The following MSH3 variants were observed in gnomAD, a reference collection of about 807,000 sequenced individuals.
The protein encoded by MSH3 is mutS homolog 3.
Under a neutral mutation model 123.3 loss-of-function variants are expected in MSH3, and 106 were observed. The ratio of observed to expected loss-of-function variants is 0.86; its 90% CI spans 0.73 to 1.01. The LOEUF (loss-of-function observed/expected upper bound fraction) is 1.01. Among genes scored for constraint, MSH3 ranks in the 50% least tolerant of loss-of-function variants. The pLI is 0.00. For synonymous variants in MSH3, 515 were observed against 481.4 expected (o/e 1.07, Z -0.91); for missense variants, 1,459 against 1,347.6 (o/e 1.08, Z -1.29).
chr5:80,840,430 CTT>C (rs201862193), intron 20 of MSH3, among the ~76,000 whole-genome samples: 1 of 149,346 alleles, frequency 6.7e-6, no homozygotes, highest in Admixed American at 6.7e-5. Flanking sequence ...CTTGAATATT[CTT>C]TTTTTTTTCT....
At position 80,854,084 on chromosome 5, in the gene MSH3, TAAG is replaced by T; in HGVS notation, c.2814-43_2814-41del. On this transcript the variant is annotated intron_variant, in intron 20 of 23. Coordinates refer to ENST00000265081, the MANE Select transcript of MSH3 (RefSeq NM_002439.5). ...CATAAAATAATGTTCGGCTTCCTAA[TAAG>T]AAAGTGAAGAGGAAAATCAAGGTGT... The T allele has an allele frequency of 2.0e-6, 3 of 1,477,736 alleles. No homozygotes were observed. The South Asian group carries it at 3.4e-5, about 17-fold the overall frequency. 91.5% of individuals were successfully genotyped at this position (1,477,736 alleles called of 1,614,324 possible).
At chr5:80,707,941 G>A (rs898276469) in intron 8 of MSH3, among the ~76,000 whole-genome samples, 2 of 152,134 alleles carry the variant, frequency 1.3e-5, no homozygotes, top group African/African-American at 2.4e-5. Flanking sequence ...GTTTTCATGT[G>A]CCTATTGGTT....
intron 19 of MSH3, among the ~76,000 whole-genome samples, chr5:80,804,148 T>C (rs1448928385): frequency 6.6e-6 from 1 of 152,236 alleles, no homozygotes; most frequent in Non-Finnish European, 1.5e-5. Flanking sequence ...CTTTAGTTAC[T>C]ATGGACACTT....
chr5:80,865,442 C>T (rs1285878698), intron 22 of MSH3, among the ~76,000 whole-genome samples: 1 of 152,110 alleles, frequency 6.6e-6, no homozygotes, highest in Non-Finnish European at 1.5e-5. Flanking sequence ...ACCATGTCAA[C>T]CACTTAGATG....
intron 20 of MSH3, among the ~76,000 whole-genome samples, chr5:80,850,992 G>C (rs1403990328): frequency 6.6e-6 from 1 of 152,060 alleles, no homozygotes; most frequent in Non-Finnish European, 1.5e-5. Context: ...AATTTCTGGT[G>C]ACCTCATTTT....
chr5:80,682,639 C>T (rs2618369), intron 8 of MSH3, among the ~76,000 whole-genome samples: 38,273 of 152,048 alleles, frequency 0.25, 4,923 homozygotes, highest in Middle Eastern at 0.32. Context: ...ACATGAGATA[C>T]TTTCATACAG....
At chr5:80,749,129 A>G (rs1425517801) in intron 12 of MSH3, among the ~76,000 whole-genome samples, 4 of 152,170 alleles carry the variant, frequency 2.6e-5, no homozygotes, top group African/African-American at 9.7e-5. Flanking sequence ...GGATAGATGT[A>G]TATAAGGAGT....
At chr5:80,842,780 C>T (rs1298776531) in intron 20 of MSH3, among the ~76,000 whole-genome samples, 1 of 152,160 alleles carries the variant, frequency 6.6e-6, no homozygotes, top group Non-Finnish European at 1.5e-5. Context: ...GCTGAAGTTG[C>T]TTATCAGCTT....
intron 8 of MSH3, among the ~76,000 whole-genome samples, chr5:80,696,613 T>C (rs1231362044): frequency 6.6e-6 from 1 of 152,162 alleles, no homozygotes; most frequent in African/African-American, 2.4e-5. Context: ...GCTGGTCTGC[T>C]TTCTGCTCAC....
chr5:80,774,790 T>C (rs1744271245), intron 15 of MSH3, among the ~76,000 whole-genome samples: 1 of 151,960 alleles, frequency 6.6e-6, no homozygotes, highest in African/African-American at 2.4e-5. Context: ...AGATACAGAA[T>C]AGAATGATGG....
chr5:80,831,553 G>T (rs1014618413), intron 20 of MSH3, among the ~76,000 whole-genome samples: 2 of 151,910 alleles, frequency 1.3e-5, no homozygotes, highest in Non-Finnish European at 2.9e-5. Flanking sequence ...TTTAGTAATT[G>T]GTATTCTCTT....
chr5:80,762,285 T>C (rs1744048485), intron 13 of MSH3, among the ~76,000 whole-genome samples: 1 of 152,112 alleles, frequency 6.6e-6, no homozygotes. Flanking sequence ...GATAAAACAC[T>C]ATAAACTATG....
intron 8 of MSH3, among the ~76,000 whole-genome samples, chr5:80,710,343 G>A (rs750517978): frequency 1.3e-5 from 2 of 152,212 alleles, no homozygotes; most frequent in Non-Finnish European, 2.9e-5. Context: ...ACAGAAGGGA[G>A]CAGCTATTCC....
chr5:80,740,501 G>A (rs939891933), intron 10 of MSH3, among the ~76,000 whole-genome samples: 3 of 151,766 alleles, frequency 2.0e-5, no homozygotes, highest in Admixed American at 6.6e-5. Flanking sequence ...GGGACTACAG[G>A]CGTGCGCCAC....
intron 8 of MSH3, among the ~76,000 whole-genome samples, chr5:80,717,637 T>A (rs2112849532): frequency 6.6e-6 from 1 of 152,342 alleles, no homozygotes; most frequent in Admixed American, 6.5e-5. Context: ...AACAGTTATG[T>A]AAGAGTTCAC....
chr5:80,686,472 T>G (rs1750095530), intron 8 of MSH3, among the ~76,000 whole-genome samples: 1 of 151,878 alleles, frequency 6.6e-6, no homozygotes, highest in African/African-American at 2.4e-5. Context: ...CTGGCTAATT[T>G]TTTTTGTATT....
intron 8 of MSH3, among the ~76,000 whole-genome samples, chr5:80,710,824 G>A (rs1284014605): frequency 6.6e-6 from 1 of 152,154 alleles, no homozygotes; most frequent in Admixed American, 6.5e-5. Context: ...AGAGCTGGAC[G>A]ATGATGACAA....
chr5:80,864,827 C>G lies in MSH3; in HGVS notation c.3015C>G (p.Thr1005=). ...EYFIRDVKSL[T]LFVTHYPPVC... ...TATTGCTTTAGGTGAAATCCTTAAC[C>G]CTGTTTGTCACCCATTATCCGCCAG... The change falls in exon 22 of 24, where the codon ACC becomes ACG. Residue 1005 remains threonine, a synonymous_variant. Coordinates refer to ENST00000265081, the MANE Select transcript of MSH3 (RefSeq NM_002439.5). The G allele has an allele frequency of 6.2e-7, 1 of 1,611,616 alleles. No individual in the cohort carries two copies. Among genetic ancestry groups the G allele is most frequent in the South Asian group, 1.1e-5 (1 of 91,014 alleles).
chr5:80,853,920 C>G (rs1319537858), intron 20 of MSH3, among the ~76,000 whole-genome samples: 1 of 152,196 alleles, frequency 6.6e-6, no homozygotes, highest in Non-Finnish European at 1.5e-5. Flanking sequence ...ACCTCAAATT[C>G]TATCCAGAAT....
Sources: allele counts gnomAD v4.1 joint callset (sites outside exome capture counted in the v4.1 genomes callset), GRCh38; gene constraint gnomAD v4.1.1; transcripts MANE v1.5; gene names NCBI Gene and HGNC (gene_info 2026-07-23, HGNC 2026-07-21).